Variants in ADGRL2 observed in about 807,000 individuals in gnomAD.
ADGRL2 encodes the protein adhesion G protein-coupled receptor L2.
A neutral mutation model predicts 157.4 loss-of-function variants in ADGRL2; 44 were observed. The ratio of observed to expected loss-of-function variants is 0.28; its 90% CI spans 0.22 to 0.36. ADGRL2 has a LOEUF of 0.36. Ranked by LOEUF, ADGRL2 falls within the 10% of genes least tolerant of loss-of-function variation. The probability of loss-of-function intolerance (pLI) is 1.00; values close to 1 mark genes in which losing one functional copy is unlikely to be tolerated. For synonymous variants in ADGRL2, 585 were observed against 624.7 expected (o/e 0.94, Z 0.95); for missense variants, 1,510 against 1,768.9 (o/e 0.85, Z 2.63).
chr1:81,451,806 G>A (rs560739846), intron 2 of ADGRL2, among the ~76,000 whole-genome samples: 1 of 151,982 alleles, frequency 6.6e-6, no homozygotes, highest in East Asian at 1.9e-4. Flanking sequence ...TTAATTTTTT[G>A]TTAATTAAAA....
chr1:81,813,244 A>G (rs2090055136), intron 1 of ADGRL2, among the ~76,000 whole-genome samples: 1 of 151,712 alleles, frequency 6.6e-6, no homozygotes, highest in Non-Finnish European at 1.5e-5. Context: ...TAGAAAGGTT[A>G]TTATCCATTA....
chr1:81,623,554 A>G, intron 3 of ADGRL2, among the ~76,000 whole-genome samples: 1 of 151,782 alleles, frequency 6.6e-6, no homozygotes, highest in African/African-American at 2.4e-5. Flanking sequence ...ATTTGGAAAT[A>G]GGGTATTTGC....
intron 2 of ADGRL2, among the ~76,000 whole-genome samples, chr1:81,848,125 CA>C (rs1484404280): frequency 6.6e-6 from 1 of 151,604 alleles, no homozygotes; most frequent in Non-Finnish European, 1.5e-5. Flanking sequence ...CTTTCAGAGG[CA>C]AAGATATAGG....
intron 2 of ADGRL2, among the ~76,000 whole-genome samples, chr1:81,846,074 G>A (rs1202381580): frequency 6.6e-6 from 1 of 151,764 alleles, no homozygotes; most frequent in Non-Finnish European, 1.5e-5. Flanking sequence ...TAAGGTCTTT[G>A]ATCACTTAAT....
At chr1:81,748,755 C>A (rs937875670) in intron 1 of ADGRL2, among the ~76,000 whole-genome samples, 1 of 151,888 alleles carries the variant, frequency 6.6e-6, no homozygotes, top group African/African-American at 2.4e-5. Flanking sequence ...GCAACCTCCA[C>A]CTCCCGGGTT....
chr1:81,345,062 A>C (rs573756554), intron 1 of ADGRL2, among the ~76,000 whole-genome samples: 1 of 152,338 alleles, frequency 6.6e-6, no homozygotes, highest in East Asian at 1.9e-4. Flanking sequence ...CATTTATAAT[A>C]AATAATATTA....
At chr1:81,498,128 T>C (rs2078769158) in intron 2 of ADGRL2, among the ~76,000 whole-genome samples, 1 of 152,156 alleles carries the variant, frequency 6.6e-6, no homozygotes, top group African/African-American at 2.4e-5. Flanking sequence ...GGTAGATGGA[T>C]GGTAAAGAAG....
chr1:81,443,424 TG>T (rs1006919916), intron 1 of ADGRL2, among the ~76,000 whole-genome samples: 5 of 148,042 alleles, frequency 3.4e-5, no homozygotes, highest in Admixed American at 6.8e-5. Flanking sequence ...GTGACAAGAG[TG>T]AAACTCCATC....
intron 1 of ADGRL2, among the ~76,000 whole-genome samples, chr1:81,752,303 C>T (rs531205273): frequency 3.2e-4 from 49 of 152,268 alleles, no homozygotes; most frequent in African/African-American, 1.1e-3. Flanking sequence ...TTGAAAAATA[C>T]ATTTCTCTTG....
At chr1:81,795,925 G>T (rs929503837), upstream of ADGRL2, among the ~76,000 whole-genome samples, 1 of 152,174 alleles carries the variant, frequency 6.6e-6, no homozygotes. Flanking sequence ...ATTCATCGTT[G>T]ACAGTGGTGG....
intron 1 of ADGRL2, among the ~76,000 whole-genome samples, chr1:81,344,409 G>C (rs1169228240): frequency 6.6e-6 from 1 of 152,208 alleles, no homozygotes; most frequent in East Asian, 1.9e-4. Flanking sequence ...GGGCACAGAG[G>C]CTCACACCTG....
At chr1:81,821,684 G>C (rs2091000537) in intron 1 of ADGRL2, among the ~76,000 whole-genome samples, 1 of 152,114 alleles carries the variant, frequency 6.6e-6, no homozygotes, top group Non-Finnish European at 1.5e-5. Context: ...TTTTAATTTG[G>C]TGAAATGCCG....
Position 81,652,441 on chromosome 1 carries a change from A to G in ADGRL2, c.-143+71461A>G, listed in dbSNP as rs188092573. Among the ~76,000 whole-genome samples the G allele has an allele frequency of 1.1e-3, 168 of 152,326 alleles. 1 individual carries two copies. The highest frequency in any genetic ancestry group is 2.4e-3 in the Admixed American group (37 of 15,290). Reference sequence around the variant, plus strand: ...ATTTAATTATATAAATAACACCTGAACAATTAATGTAAAAAGAATAAACAA... The same window carrying G: ...ATTTAATTATATAAATAACACCTGAGCAATTAATGTAAAAAGAATAAACAA... On this transcript the variant is annotated intron_variant, in intron 3 of 24. Coordinates refer to the ADGRL2 transcript ENST00000370721.
intron 2 of ADGRL2, among the ~76,000 whole-genome samples, chr1:81,486,768 A>G (rs183057433): frequency 2.0e-4 from 31 of 152,270 alleles, no homozygotes; most frequent in African/African-American, 7.5e-4. Context: ...TAGAAAACCT[A>G]CCTCAAGTTT....
At position 81,907,206 on chromosome 1, in the gene ADGRL2, A is replaced by T. The variant is rs1365207880; in HGVS notation, c.263A>T (p.Asp88Val). ...QMENTDCYLP[D>V]AFKIMTQRCN... ...GAGAATACAGACTGCTACCTCCCCG[A>T]TGCCTTCAAAATTATGACTCAAAGG... Residue 88 changes from aspartate (D) to valine (V), a missense_variant, in exon 3 of 24, where the codon GAT (aspartate) becomes GTT (valine). Physicochemically the swap from Asp to Val is radical, Grantham distance 152. Transcript: ENST00000686636. 6.2e-7 allele frequency: 1 copy of T among 1,613,978 alleles called. No homozygotes were observed. Among genetic ancestry groups the T allele is most frequent in the Admixed American group, 1.7e-5 (1 of 60,018 alleles).
intron 3 of ADGRL2, among the ~76,000 whole-genome samples, chr1:81,691,474 G>T (rs544504801): frequency 6.3e-4 from 96 of 151,914 alleles, no homozygotes; most frequent in Non-Finnish European, 1.2e-3. Flanking sequence ...ATATACTTGG[G>T]TAATACCAAC....
chr1:81,517,232 G>A (rs2079198878), intron 2 of ADGRL2, among the ~76,000 whole-genome samples: 1 of 151,880 alleles, frequency 6.6e-6, no homozygotes, highest in African/African-American at 2.4e-5. Context: ...CAGCACTTTG[G>A]GAGGCCGAGG....
At chr1:81,909,968 A>G (rs1409869541) in intron 3 of ADGRL2, among the ~76,000 whole-genome samples, 3 of 152,014 alleles carry the variant, frequency 2.0e-5, no homozygotes, top group Non-Finnish European at 4.4e-5. Context: ...TGCCAGGTGC[A>G]GTGGCTCACG....
At chr1:81,617,984 T>A (rs2081699881) in intron 3 of ADGRL2, among the ~76,000 whole-genome samples, 1 of 152,284 alleles carries the variant, frequency 6.6e-6, no homozygotes, top group Non-Finnish European at 1.5e-5. Context: ...TTCCACTTGG[T>A]TATAGCCCTC....
Sources: allele counts gnomAD v4.1 joint callset (sites outside exome capture counted in the v4.1 genomes callset), GRCh38; gene constraint gnomAD v4.1.1; transcripts MANE v1.5; gene names NCBI Gene and HGNC (gene_info 2026-07-23, HGNC 2026-07-21).